The following DDX6 variants were observed in gnomAD, a reference collection of about 807,000 sequenced individuals.
DDX6 encodes the protein DEAD-box helicase 6.
DDX6 carries 7 observed loss-of-function variants against 60.6 expected under a neutral mutation model. That is an observed-to-expected ratio of 0.12 (90% CI 0.07 to 0.22). The LOEUF is 0.22. DDX6 is among the 10% of genes least tolerant of loss of function. The probability of loss-of-function intolerance (pLI) is 1.00; values close to 1 mark genes in which losing one functional copy is unlikely to be tolerated. For synonymous variants in DDX6, 207 were observed against 201.0 expected (o/e 1.03, Z -0.25); for missense variants, 270 against 589.9 (o/e 0.46, Z 5.62).
At position 118,784,087 on chromosome 11, in the gene DDX6, C is replaced by CAAA. The variant is rs61356183; in HGVS notation, c.200+1962_200+1964dup. 1.3e-4 allele frequency among the ~76,000 whole-genome samples: 17 copies of CAAA among 128,572 alleles called. 1 individual carries two copies. The highest frequency in any genetic ancestry group is 2.1e-4 in the African/African-American group (7 of 33,462). 84.3% of individuals were successfully genotyped at this position (128,572 alleles called of 152,430 possible). ...TAGGCAACAAAGTGAGACCCTGTCT[C>CAAA]AAAAAAAAAAAAAAAAGTTATAAAA... On this transcript the variant is annotated intron_variant, in intron 2 of 13. Coordinates refer to ENST00000534980, the MANE Select transcript of DDX6 (RefSeq NM_004397.6).
At chr11:118,753,950 G>A (rs1555158075) in intron 13 of DDX6, among the ~76,000 whole-genome samples, 1 of 151,986 alleles carries the variant, frequency 6.6e-6, no homozygotes, top group African/African-American at 2.4e-5. Context: ...ACAAAAATTA[G>A]CTGGGCATGG....
At chr11:118,773,402 T>C (rs1490688503) in intron 4 of DDX6, among the ~76,000 whole-genome samples, 1 of 142,730 alleles carries the variant, frequency 7.0e-6, no homozygotes, top group Non-Finnish European at 1.6e-5. Context: ...ACCCCGTCTC[T>C]ACTAAAAAAA....
intron 7 of DDX6, among the ~76,000 whole-genome samples, chr11:118,762,301 ATAAAC>A (rs1555160407): frequency 9.6e-5 from 14 of 146,578 alleles, no homozygotes; most frequent in South Asian, 2.2e-4. Flanking sequence ...AATAATAATA[ATAAAC>A]CTCAACCCAA....
chr11:118,752,726 GA>G (rs1555157725), intron 13 of DDX6, among the ~76,000 whole-genome samples: 1 of 152,146 alleles, frequency 6.6e-6, no homozygotes, highest in Non-Finnish European at 1.5e-5. Flanking sequence ...AGGAAATACT[GA>G]AACAACCTAC....
intron 9 of DDX6, 28 bp downstream of exon 9, chr11:118,758,746 T>C (rs1591888675): frequency 1.9e-6 from 3 of 1,611,576 alleles, no homozygotes; most frequent in Admixed American, 3.4e-5. Context: ...CGAGAGATAA[T>C]ATTCAACAGC....
intron 4 of DDX6, among the ~76,000 whole-genome samples, chr11:118,772,516 C>T (rs1861568372): frequency 6.6e-6 from 1 of 152,108 alleles, no homozygotes. Flanking sequence ...GGTGTGACTG[C>T]TAAAAGGGTT....
At position 118,769,143 on chromosome 11, in the gene DDX6, G is replaced by GA. The variant is rs547280417; in HGVS notation, c.370-792dup. On this transcript the variant is annotated intron_variant, in intron 4 of 13. Coordinates refer to ENST00000534980, the MANE Select transcript of DDX6 (RefSeq NM_004397.6). The stretch of plus-strand genomic sequence containing the variant: ...CCCATCTCTACAAAAATTTTTAAAG[G>GA]AAAAAACAAAAACAATTCCAAGGTA... Among the ~76,000 whole-genome samples the GA allele has an allele frequency of 2.3e-4, 35 of 151,872 alleles. No homozygotes were observed. In the South Asian group the frequency reaches 5.4e-3, roughly 23 times the overall value.
Position 118,751,651 on chromosome 11 carries a change from TTCGCACAAA to T in DDX6, c.*445_*453del. On this transcript the variant is annotated 3_prime_UTR_variant, in exon 14 of 14. Coordinates refer to ENST00000534980, the MANE Select transcript of DDX6 (RefSeq NM_004397.6). ...TGAATGGTCTCATAGCATAAGGCAC[TTCGCACAAA>T]TAAGTAATAAGCTCTTCAGGCTTAA... is the stretch of plus-strand genomic sequence containing the variant. 4.8e-6 allele frequency: 1 copy of T among 208,260 alleles called. No individual in the cohort carries two copies. Among genetic ancestry groups the T allele is most frequent in the Non-Finnish European group, 9.9e-6 (1 of 100,690 alleles). The allele number at this position is 208,260 out of a possible 1,614,324, so 12.9% of individuals were successfully genotyped here.
chr11:118,756,847 G>C (rs1272564718), intron 10 of DDX6, among the ~76,000 whole-genome samples: 1 of 151,072 alleles, frequency 6.6e-6, no homozygotes, highest in African/African-American at 2.5e-5. Context: ...TGCCACATGT[G>C]GCTATTTACT....
chr11:118,781,028 C>T (rs937517712), intron 3 of DDX6, 93 bp downstream of exon 3: 1 of 825,410 alleles, frequency 1.2e-6, no homozygotes, highest in East Asian at 2.7e-5. Context: ...GTGTTATGGT[C>T]CTGAAACCAA....
intron 3 of DDX6, among the ~76,000 whole-genome samples, chr11:118,780,191 A>G (rs1000737347): frequency 6.6e-6 from 1 of 151,366 alleles, no homozygotes. Flanking sequence ...AATCTTAAAT[A>G]TAAATATATG....
At chr11:118,788,032 G>A (rs957499307) in intron 1 of DDX6, 1 of 151,658 alleles carries the variant, frequency 6.6e-6, no homozygotes, top group Non-Finnish European at 1.5e-5. Context: ...ACTGGTAGGA[G>A]GGGCACGGTA....
chr11:118,773,028 T>G (rs1861585980), intron 4 of DDX6, among the ~76,000 whole-genome samples: 1 of 152,214 alleles, frequency 6.6e-6, no homozygotes, highest in Admixed American at 6.5e-5. Flanking sequence ...TCCAAGTATG[T>G]TTCTCTAGCC....
chr11:118,785,310 T>C (rs185346883), intron 2 of DDX6, among the ~76,000 whole-genome samples: 4 of 152,226 alleles, frequency 2.6e-5, no homozygotes, highest in African/African-American at 9.6e-5. Flanking sequence ...TTCAGAACTG[T>C]GTTCTGTGAG....
In DDX6 at chr11:118,764,821, T is replaced by TACACACACACACACACAC. The variant is rs59605753; in HGVS notation, c.646+387_646+388insGTGTGTGTGTGTGTGTGT. 5.2e-3 allele frequency among the ~76,000 whole-genome samples: 725 copies of TACACACACACACACACAC among 139,026 alleles called. 5 individuals carry two copies. Among genetic ancestry groups the TACACACACACACACACAC allele is most frequent in the Non-Finnish European group, 7.1e-3 (471 of 66,602 alleles). 91.2% of individuals were successfully genotyped at this position (139,026 alleles called of 152,430 possible). On this transcript the variant is annotated intron_variant, in intron 6 of 13. Coordinates refer to ENST00000534980, the MANE Select transcript of DDX6 (RefSeq NM_004397.6). ...TCCATCTCCAAAAAAAAAAAAAATA[T>TACACACACACACACACAC]ACACACACACACACACATTATATAT...
chr11:118,760,116 A>G (rs1555159847), intron 7 of DDX6, 72 bp from the exon 8 acceptor site: 1 of 1,363,688 alleles, frequency 7.3e-7, no homozygotes, highest in African/African-American at 1.5e-5. Context: ...TACATGGTCA[A>G]AGAATAAGGC....
chr11:118,774,200 C>T (rs1486058170), intron 4 of DDX6, among the ~76,000 whole-genome samples: 4 of 152,030 alleles, frequency 2.6e-5, no homozygotes, highest in African/African-American at 9.7e-5. Flanking sequence ...AATCATAACC[C>T]CAAAGTTAAT....
rs1860679014 is a variant in DDX6, at chr11:118,749,448, C to T, written c.*2657G>A. On this transcript the variant is annotated 3_prime_UTR_variant, in exon 14 of 14. Transcript: ENST00000534980. ...ACAATTCCTATTCAAGAGTCAAGCA[C>T]CAAAACTGGACAGCTGCCTCTACAA... The T allele has an allele frequency of 6.7e-6, 1 of 149,984 alleles. No homozygotes were observed. The highest frequency in any genetic ancestry group is 1.5e-5 in the Non-Finnish European group (1 of 67,642). The allele number at this position is 149,984 out of a possible 1,614,324, so 9.3% of individuals were successfully genotyped here.
chr11:118,754,649 A>T (rs879951325), intron 13 of DDX6, 56 bp downstream of exon 13: 14 of 1,484,610 alleles, frequency 9.4e-6, no homozygotes, highest in East Asian at 9.3e-5. Flanking sequence ...CCAGGAAAGA[A>T]GATTTTGATT....
Sources: allele counts gnomAD v4.1 joint callset (sites outside exome capture counted in the v4.1 genomes callset), GRCh38; gene constraint gnomAD v4.1.1; transcripts MANE v1.5; gene names NCBI Gene and HGNC (gene_info 2026-07-23, HGNC 2026-07-21).